Variants in HHAT observed in about 807,000 individuals in gnomAD.
The protein encoded by HHAT is protein-cysteine N-palmitoyltransferase HHAT.
In HHAT, 47 loss-of-function variants were observed where a neutral mutation model predicts 70.8. That is an observed-to-expected ratio of 0.66 (90% confidence interval 0.53 to 0.85). The LOEUF is 0.85. Among genes scored for constraint, HHAT ranks in the 40% least tolerant of loss-of-function variants. The pLI is 0.00. For missense variants in HHAT, 609 were observed against 604.8 expected (o/e 1.01, Z -0.07); for synonymous variants, 228 against 247.6 (o/e 0.92, Z 0.74).
chr1:210,339,607 G>A (rs2085822258), intron 1 of HHAT, among the ~76,000 whole-genome samples: 1 of 152,180 alleles, frequency 6.6e-6, no homozygotes, highest in African/African-American at 2.4e-5. Flanking sequence ...GCCCTGGCCT[G>A]GGGGAGAAGG....
At position 210,513,191 on chromosome 1, in the gene HHAT, A is replaced by C. The variant is rs1368778653; in HGVS notation, c.1043+3A>C. ...GGACTGCATAATTTCTTAATCAGGT[A>C]AGCCAATAATTTTTATTTTAGATAA... On this transcript the variant is annotated splice_donor_region_variant and intron_variant, in intron 9 of 11. Transcript: ENST00000261458. 1.4e-6 allele frequency: 2 copies of C among 1,469,090 alleles called. No homozygotes were observed. The highest frequency in any genetic ancestry group is 1.9e-6 in the Non-Finnish European group (2 of 1,055,118). 91.0% of individuals were successfully genotyped at this position (1,469,090 alleles called of 1,614,324 possible).
intron 10 of HHAT, among the ~76,000 whole-genome samples, chr1:210,621,092 T>C (rs1219117711): frequency 6.6e-6 from 1 of 152,140 alleles, no homozygotes; most frequent in Non-Finnish European, 1.5e-5. Context: ...GTCCAGTCCT[T>C]ACCCTGCCCC....
intron 9 of HHAT, among the ~76,000 whole-genome samples, chr1:210,537,540 C>T (rs546572884): frequency 3.9e-5 from 6 of 152,248 alleles, no homozygotes; most frequent in South Asian, 4.2e-4. Flanking sequence ...TTCTGTGTTC[C>T]GTCTTCCGTC....
intron 10 of HHAT, among the ~76,000 whole-genome samples, chr1:210,606,721 A>G (rs545932145): frequency 6.6e-6 from 1 of 152,152 alleles, no homozygotes; most frequent in Non-Finnish European, 1.5e-5. Flanking sequence ...GAAAAAGGCC[A>G]TAGGAGATAG....
chr1:210,408,295 G>T (rs936565388), intron 6 of HHAT, among the ~76,000 whole-genome samples: 3 of 152,098 alleles, frequency 2.0e-5, no homozygotes, highest in Admixed American at 2.0e-4. Flanking sequence ...TGATTCTTGT[G>T]CCTCAGCCTC....
chr1:210,375,206 T>C (rs188125349), intron 3 of HHAT, among the ~76,000 whole-genome samples: 2 of 152,308 alleles, frequency 1.3e-5, no homozygotes, highest in Admixed American at 1.3e-4. Context: ...CTGTGCTGCC[T>C]CTTTGATGGC....
At chr1:210,387,046 G>A (rs2091127292) in intron 3 of HHAT, among the ~76,000 whole-genome samples, 1 of 152,052 alleles carries the variant, frequency 6.6e-6, no homozygotes, top group African/African-American at 2.4e-5. Flanking sequence ...GTCTAAACTG[G>A]GATAGCCTCA....
At chr1:210,383,029 A>C (rs2090766468) in intron 3 of HHAT, among the ~76,000 whole-genome samples, 1 of 152,196 alleles carries the variant, frequency 6.6e-6, no homozygotes, top group Admixed American at 6.5e-5. Context: ...AGAACTACTC[A>C]AAAAAGAAAA....
At chr1:210,544,909 C>T (rs1346528122) in intron 9 of HHAT, among the ~76,000 whole-genome samples, 1 of 152,116 alleles carries the variant, frequency 6.6e-6, no homozygotes, top group African/African-American at 2.4e-5. Flanking sequence ...CCCCTAAATT[C>T]CCAGGTCTGT....
At chr1:210,646,886 A>G (rs1248749511) in intron 11 of HHAT, among the ~76,000 whole-genome samples, 1 of 152,228 alleles carries the variant, frequency 6.6e-6, no homozygotes, top group African/African-American at 2.4e-5. Flanking sequence ...TAATTTGTTC[A>G]TTATTTTAAA....
At chr1:210,551,139 C>G (rs1346723999) in intron 9 of HHAT, among the ~76,000 whole-genome samples, 1 of 148,966 alleles carries the variant, frequency 6.7e-6, no homozygotes, top group Non-Finnish European at 1.5e-5. Context: ...CTGGAATAAT[C>G]AAATGTCTTG....
chr1:210,366,667 G>A (rs1199672944), intron 3 of HHAT, among the ~76,000 whole-genome samples: 4 of 152,166 alleles, frequency 2.6e-5, no homozygotes, highest in Non-Finnish European at 4.4e-5. Flanking sequence ...AAGTCTCCAT[G>A]CATTGCCAAA....
chr1:210,667,185 C>T (rs1679085812), intron 11 of HHAT, among the ~76,000 whole-genome samples: 1 of 151,986 alleles, frequency 6.6e-6, no homozygotes, highest in Admixed American at 6.6e-5. Flanking sequence ...GAGTTCAAGA[C>T]CAGCCTGACC....
chr1:210,648,182 T>G (rs1203684792), intron 11 of HHAT, among the ~76,000 whole-genome samples: 1 of 152,220 alleles, frequency 6.6e-6, no homozygotes, highest in Non-Finnish European at 1.5e-5. Context: ...TTGGAATGGC[T>G]TGGATCTCTG....
chr1:210,552,350 G>T (rs147746237), intron 9 of HHAT, among the ~76,000 whole-genome samples: 1 of 152,176 alleles, frequency 6.6e-6, no homozygotes, highest in Non-Finnish European at 1.5e-5. Context: ...TTACATGTCC[G>T]ATTTGTGTCC....
rs147274291 is a variant in HHAT, at chr1:210,615,426, C to G, written c.1246-8100C>G. Among the ~76,000 whole-genome samples the G allele has an allele frequency of 3.1e-3, 479 of 152,354 alleles. 4 individuals are homozygous for G. The highest frequency in any genetic ancestry group is 0.011 in the African/African-American group (443 of 41,580). On this transcript the variant is annotated intron_variant, in intron 10 of 11. Coordinates refer to ENST00000261458, the MANE Select transcript of HHAT (RefSeq NM_018194.6). Reference sequence around the variant, plus strand: ...GAGAAGTTTGATCGTCTGAAGCCTTCTTCTCTCAACTCATCAAATTCATTC... The same window carrying G: ...GAGAAGTTTGATCGTCTGAAGCCTTGTTCTCTCAACTCATCAAATTCATTC...
chr1:210,333,660 ATTTT>A (rs572247937), intron 1 of HHAT, among the ~76,000 whole-genome samples: 1 of 145,320 alleles, frequency 6.9e-6, no homozygotes, highest in Admixed American at 6.9e-5. Flanking sequence ...TACTACTATG[ATTTT>A]TTTTTTTTTC....
chr1:210,372,467 C>T (rs2089650993), intron 3 of HHAT, among the ~76,000 whole-genome samples: 1 of 152,204 alleles, frequency 6.6e-6, no homozygotes, highest in African/African-American at 2.4e-5. Flanking sequence ...AACCTTGCCA[C>T]CAAGTGGTAT....
At chr1:210,351,223 G>T (rs964879689) in intron 2 of HHAT, among the ~76,000 whole-genome samples, 1 of 152,158 alleles carries the variant, frequency 6.6e-6, no homozygotes, top group Middle Eastern at 3.2e-3. Context: ...AGCTCAAGCA[G>T]TAGCCAGAAA....
Sources: allele counts gnomAD v4.1 joint callset (sites outside exome capture counted in the v4.1 genomes callset), GRCh38; gene constraint gnomAD v4.1.1; transcripts MANE v1.5; gene names NCBI Gene and HGNC (gene_info 2026-07-23, HGNC 2026-07-21).